Variants in RSBN1L observed in about 807,000 individuals in gnomAD.
RSBN1L encodes lysine-specific demethylase RSBN1L.
Under a neutral mutation model 67.7 loss-of-function variants are expected in RSBN1L, and 30 were observed. The ratio of observed to expected loss-of-function variants is 0.44; its 90% CI spans 0.33 to 0.60. The LOEUF (loss-of-function observed/expected upper bound fraction) is 0.60. RSBN1L is among the 20% of genes least tolerant of loss of function. The pLI is 0.02. For synonymous variants in RSBN1L, 433 were observed against 387.0 expected, an observed-to-expected ratio of 1.12 and a Z score of -1.39; for missense variants, 992 against 1,031.7, an observed-to-expected ratio of 0.96 and a Z score of 0.53.
intron 3 of RSBN1L, among the ~76,000 whole-genome samples, chr7:77,751,477 T>C (rs1791556098): frequency 6.6e-6 from 1 of 152,186 alleles, no homozygotes; most frequent in Admixed American, 6.5e-5. Context: ...TGGGAATTAT[T>C]CTCTAACATG....
At chr7:77,746,986 C>T (rs1435848900) in intron 2 of RSBN1L, among the ~76,000 whole-genome samples, 1 of 152,218 alleles carries the variant, frequency 6.6e-6, no homozygotes, top group African/African-American at 2.4e-5. Context: ...TGTGGCTGCT[C>T]TCAAGGGCTG....
chr7:77,737,558 G>A (rs6950602), intron 2 of RSBN1L, among the ~76,000 whole-genome samples: 2 of 151,974 alleles, frequency 1.3e-5, no homozygotes, highest in Admixed American at 1.3e-4. Context: ...GAAGAAATAC[G>A]TCAGAGCTTA....
intron 1 of RSBN1L, among the ~76,000 whole-genome samples, chr7:77,700,355 T>C (rs1289169015): frequency 6.6e-6 from 1 of 152,242 alleles, no homozygotes; most frequent in Non-Finnish European, 1.5e-5. Flanking sequence ...TTCTAACTTT[T>C]GTTAGTACTT....
rs186080186 is a variant in RSBN1L, at chr7:77,707,085, G to A, written c.586+10030G>A. 2.3e-3 allele frequency among the ~76,000 whole-genome samples: 349 copies of A among 149,156 alleles called. 2 individuals are homozygous for A. Among genetic ancestry groups the A allele is most frequent in the African/African-American group, 8.2e-3 (329 of 40,310 alleles). On this transcript the variant is annotated intron_variant, in intron 1 of 7. Coordinates refer to ENST00000334955, the MANE Select transcript of RSBN1L (RefSeq NM_198467.3). ...GTCACCCAGGCTGGAGTGCAGTGGC[G>A]CGATCTTGGCTCATTGCGACCTCTG...
intron 1 of RSBN1L, among the ~76,000 whole-genome samples, chr7:77,720,576 G>T (rs533246111): frequency 6.6e-6 from 1 of 152,080 alleles, no homozygotes; most frequent in African/African-American, 2.4e-5. Context: ...AATTGCAGAA[G>T]ACAAGTGTTA....
intron 5 of RSBN1L, among the ~76,000 whole-genome samples, chr7:77,769,873 G>A (rs1321327033): frequency 2.0e-5 from 3 of 152,180 alleles, no homozygotes; most frequent in African/African-American, 7.2e-5. Flanking sequence ...ACTGGAGGAT[G>A]AGCTGCTGTA....
At chr7:77,699,826 C>T (rs575576606) in intron 1 of RSBN1L, among the ~76,000 whole-genome samples, 14 of 149,796 alleles carry the variant, frequency 9.3e-5, no homozygotes, top group East Asian at 1.9e-4. Context: ...AACAGAGTCT[C>T]GCTCTTGTTG....
chr7:77,757,765 A>G (rs1280489706), intron 3 of RSBN1L, among the ~76,000 whole-genome samples: 1 of 152,134 alleles, frequency 6.6e-6, no homozygotes, highest in Non-Finnish European at 1.5e-5. Context: ...CATTTTTCTC[A>G]TCATCCCACA....
At chr7:77,772,982 T>C (rs1211103801) in intron 5 of RSBN1L, among the ~76,000 whole-genome samples, 165 bp from the exon 6 acceptor site, 1 of 152,204 alleles carries the variant, frequency 6.6e-6, no homozygotes, top group African/African-American at 2.4e-5. Context: ...ATTAGAAAAA[T>C]GAGGGTATCG....
At chr7:77,706,883 A>G (rs1790899609) in intron 1 of RSBN1L, among the ~76,000 whole-genome samples, 1 of 152,230 alleles carries the variant, frequency 6.6e-6, no homozygotes, top group South Asian at 2.1e-4. Context: ...AAAATAAAAA[A>G]GCCCTGCCAG....
At chr7:77,764,926 C>G (rs367659303) in intron 3 of RSBN1L, among the ~76,000 whole-genome samples, 2 of 152,068 alleles carry the variant, frequency 1.3e-5, no homozygotes, top group Non-Finnish European at 2.9e-5. Context: ...CCACTGCGCC[C>G]GGCTGTGATT....
intron 2 of RSBN1L, among the ~76,000 whole-genome samples, chr7:77,739,520 T>C (rs1584289928): frequency 6.6e-6 from 1 of 151,460 alleles, no homozygotes; most frequent in Non-Finnish European, 1.5e-5. Flanking sequence ...TGAGACCAGC[T>C]TGGCCAACCT....
intron 2 of RSBN1L, among the ~76,000 whole-genome samples, chr7:77,742,158 C>A (rs1791418634): frequency 1.0e-5 from 1 of 95,382 alleles, no homozygotes. Flanking sequence ...GGCAAGAACC[C>A]ATCTTTAAAA....
Position 77,782,606 on chromosome 7 carries a change from CTGTATT to C in RSBN1L, c.*3442_*3447del, listed in dbSNP as rs1189196373. 1 of 152,084 alleles carries C rather than the reference CTGTATT, an allele frequency of 6.6e-6. No individual in the cohort carries two copies. The highest frequency in any genetic ancestry group is 1.5e-5 in the Non-Finnish European group (1 of 68,016). 9.4% of individuals were successfully genotyped at this position (152,084 alleles called of 1,614,324 possible). ...AACATTAAGTTGATTTTGCACAACA[CTGTATT>C]TGTGTGTGTGCATGTGCCTGTTTTT... On this transcript the variant is annotated 3_prime_UTR_variant, in exon 8 of 8. Transcript: ENST00000334955.
At position 77,781,965 on chromosome 7, in the gene RSBN1L, A is replaced by T. The variant is rs1275900996; in HGVS notation, c.*2797A>T. ...GCCCCACTGCCCTCCAGCCTGGGCG[A>T]CAGTCTCAAAAAAAAAAAAAAAAAA... On this transcript the variant is annotated 3_prime_UTR_variant, in exon 8 of 8. Transcript: ENST00000334955. The T allele has an allele frequency of 7.5e-6, 1 of 132,906 alleles. No homozygotes were observed. Among genetic ancestry groups the T allele is most frequent in the African/African-American group, 2.9e-5 (1 of 34,040 alleles). The allele number at this position is 132,906 out of a possible 1,614,324, so 8.2% of individuals were successfully genotyped here. A position where few individuals can be genotyped will look rare whatever the true frequency, so the allele number is the denominator to read the frequency against.
chr7:77,707,780 C>G (rs564008639), intron 1 of RSBN1L, among the ~76,000 whole-genome samples: 20 of 152,124 alleles, frequency 1.3e-4, no homozygotes, highest in Admixed American at 1.2e-3. Flanking sequence ...CGAGATAGGT[C>G]ATAAGCTTAT....
chr7:77,749,706 A>G lies in RSBN1L; in HGVS notation c.986A>G (p.Lys329Arg). ...ENSEFPFVSL[K>R]EPRVQNNLKR... ...AGTGAGTTTCCATTTGTCTCATTAAAGGAGCCACGAGTTCAGAATAACCTC... is the reference window on the plus strand; with the variant it reads ...AGTGAGTTTCCATTTGTCTCATTAAGGGAGCCACGAGTTCAGAATAACCTC... Residue 329 changes from lysine (K) to arginine (R), a missense_variant, in exon 3 of 8, where the codon AAG (lysine) becomes AGG (arginine). Transcript: ENST00000334955. 6.2e-7 allele frequency: 1 copy of G among 1,614,186 alleles called. No individual in the cohort carries two copies. The highest frequency in any genetic ancestry group is 1.7e-5 in the Admixed American group (1 of 60,024).
At chr7:77,710,671 C>A (rs1457123581) in intron 1 of RSBN1L, among the ~76,000 whole-genome samples, 1 of 152,240 alleles carries the variant, frequency 6.6e-6, no homozygotes, top group Admixed American at 6.5e-5. Context: ...TCTTGGCTCA[C>A]CGTAAACTCT....
At position 77,697,014 on chromosome 7, in the gene RSBN1L, C is replaced by T. The variant is rs1343624766; in HGVS notation, c.545C>T (p.Ala182Val). 2 of 1,527,662 alleles carry T rather than the reference C, an allele frequency of 1.3e-6. No homozygotes were observed. The highest frequency in any genetic ancestry group is 1.8e-6 in the Non-Finnish European group (2 of 1,142,748). The allele number at this position is 1,527,662 out of a possible 1,614,324, so 94.6% of individuals were successfully genotyped here. A position where few individuals can be genotyped will look rare whatever the true frequency, so the allele number is the denominator to read the frequency against. Reference protein sequence around the residue: ...GLGGAREAGGASREENGEVKP... With the variant: ...GLGGAREAGGVSREENGEVKP... Reference sequence around the variant, plus strand: ...GGTGGGGCCCGAGAGGCCGGCGGGGCCTCCCGGGAGGAGAACGGGGAGGTG... The same window carrying T: ...GGTGGGGCCCGAGAGGCCGGCGGGGTCTCCCGGGAGGAGAACGGGGAGGTG... Residue 182 changes from alanine to valine, a missense_variant, in exon 1 of 8, where the codon GCC becomes GTC. By Grantham distance (64) the Ala-to-Val change is moderately conservative. Transcript: ENST00000334955.
Sources: allele counts gnomAD v4.1 joint callset (sites outside exome capture counted in the v4.1 genomes callset), GRCh38; gene constraint gnomAD v4.1.1; transcripts MANE v1.5; gene names NCBI Gene and HGNC (gene_info 2026-07-23, HGNC 2026-07-21).